The following SGMS1 variants were observed in gnomAD, a reference collection of about 807,000 sequenced individuals.
The protein encoded by SGMS1 is sphingomyelin synthase 1, also known as phosphatidylcholine:ceramide cholinephosphotransferase 1.
A neutral mutation model predicts 46.2 loss-of-function variants in SGMS1; 13 were observed. The observed-to-expected ratio is 0.28, with a 90% CI of 0.18 to 0.45. The LOEUF (loss-of-function observed/expected upper bound fraction) is 0.45, where lower values mean the gene tolerates loss of function less well. Among genes scored for constraint, SGMS1 ranks in the 20% least tolerant of loss-of-function variants. The pLI is 1.00. For synonymous variants in SGMS1, 203 were observed against 187.8 expected (o/e 1.08, Z -0.66); for missense variants, 324 against 519.9 (o/e 0.62, Z 3.66).
chr10:50,429,868 A>G (rs1849383928), intron 6 of SGMS1, among the ~76,000 whole-genome samples: 1 of 152,288 alleles, frequency 6.6e-6, no homozygotes, highest in South Asian at 2.1e-4. Context: ...CCAAATAAGA[A>G]AAATTAAGAA....
chr10:50,543,450 C>A (rs1412705360), intron 2 of SGMS1, among the ~76,000 whole-genome samples: 2 of 152,206 alleles, frequency 1.3e-5, no homozygotes, highest in East Asian at 1.9e-4. Flanking sequence ...ATCATTAGAA[C>A]AAGAGCGTAG....
intron 2 of SGMS1, among the ~76,000 whole-genome samples, chr10:50,535,176 G>C (rs2133809623): frequency 6.6e-6 from 1 of 151,962 alleles, no homozygotes; most frequent in Admixed American, 6.5e-5. Context: ...AGGTTGCAGT[G>C]AGCCAAGATC....
At chr10:50,573,880 G>C (rs757177089) in intron 2 of SGMS1, among the ~76,000 whole-genome samples, 6 of 152,086 alleles carry the variant, frequency 3.9e-5, no homozygotes, top group Non-Finnish European at 5.9e-5. Flanking sequence ...TGTACATATA[G>C]CCAATTGATC....
At chr10:50,511,671 T>C (rs745890559) in intron 3 of SGMS1, among the ~76,000 whole-genome samples, 1 of 152,182 alleles carries the variant, frequency 6.6e-6, no homozygotes, top group Non-Finnish European at 1.5e-5. Context: ...CAAACGCTAC[T>C]ACTAGAGATC....
chr10:50,377,401 G>A (rs1482617851), intron 6 of SGMS1, among the ~76,000 whole-genome samples: 1 of 152,178 alleles, frequency 6.6e-6, no homozygotes, highest in Non-Finnish European at 1.5e-5. Flanking sequence ...TCACTTCTTA[G>A]AGGGCCCATC....
At chr10:50,325,546 C>T (rs1435938232) in intron 8 of SGMS1, among the ~76,000 whole-genome samples, 1 of 152,128 alleles carries the variant, frequency 6.6e-6, no homozygotes, top group Non-Finnish European at 1.5e-5. Context: ...CGAAGAAAAC[C>T]CACAAGCTAT....
chr10:50,356,044 C>A (rs1848141913), intron 6 of SGMS1, among the ~76,000 whole-genome samples: 1 of 152,164 alleles, frequency 6.6e-6, no homozygotes, highest in African/African-American at 2.4e-5. Flanking sequence ...CCGGCAGCCA[C>A]CCCGTCTGGG....
At position 50,533,569 on chromosome 10, in the gene SGMS1, A is replaced by C. The variant is rs184028370; in HGVS notation, c.-588-13648T>G. 1.1e-3 allele frequency among the ~76,000 whole-genome samples: 164 copies of C among 152,274 alleles called. 1 individual carries two copies. Among genetic ancestry groups the C allele is most frequent in the African/African-American group, 3.9e-3 (162 of 41,562 alleles). ...GGAAGTTTCAGACCTTCTTTCTCTA[A>C]CATTATTTGAATCATCAATTGTTTA... On this transcript the variant is annotated intron_variant, in intron 2 of 10. Transcript: ENST00000361781.
chr10:50,517,941 C>T (rs1837820141), intron 3 of SGMS1, among the ~76,000 whole-genome samples: 1 of 151,800 alleles, frequency 6.6e-6, no homozygotes, highest in Non-Finnish European at 1.5e-5. Flanking sequence ...ATTTCAGAAA[C>T]CAAAATTGAG....
chr10:50,333,613 T>C (rs952577402), intron 7 of SGMS1, among the ~76,000 whole-genome samples: 58 of 152,140 alleles, frequency 3.8e-4, no homozygotes, highest in African/African-American at 1.3e-3. Context: ...ACAGACTCCA[T>C]TTAGGAAAAT....
At chr10:50,619,741 C>G (rs1406271985) in intron 1 of SGMS1, among the ~76,000 whole-genome samples, 1 of 152,222 alleles carries the variant, frequency 6.6e-6, no homozygotes, top group Non-Finnish European at 1.5e-5. Flanking sequence ...GCCCTTGTGG[C>G]TTTACATCAT....
chr10:50,575,088 G>C (rs1838371916), intron 2 of SGMS1, among the ~76,000 whole-genome samples: 1 of 150,866 alleles, frequency 6.6e-6, no homozygotes, highest in African/African-American at 2.4e-5. Flanking sequence ...AGTCACAGAA[G>C]GACAAATACT....
At chr10:50,518,629 G>A (rs370292646) in intron 3 of SGMS1, among the ~76,000 whole-genome samples, 1 of 152,148 alleles carries the variant, frequency 6.6e-6, no homozygotes, top group African/African-American at 2.4e-5. Context: ...ATGTTGGCCA[G>A]GCTGGTCTAG....
At chr10:50,481,259 C>T (rs1306509031) in intron 3 of SGMS1, among the ~76,000 whole-genome samples, 1 of 152,222 alleles carries the variant, frequency 6.6e-6, no homozygotes, top group Non-Finnish European at 1.5e-5. Flanking sequence ...GGGGTCATCA[C>T]ACACCTTATA....
At chr10:50,379,941 T>C (rs772149082) in intron 6 of SGMS1, among the ~76,000 whole-genome samples, 1 of 151,944 alleles carries the variant, frequency 6.6e-6, no homozygotes, top group Non-Finnish European at 1.5e-5. Context: ...GAAGCTTGAG[T>C]AAGTGACAAA....
intron 2 of SGMS1, among the ~76,000 whole-genome samples, chr10:50,546,295 A>G (rs1448145769): frequency 1.3e-5 from 2 of 152,174 alleles, no homozygotes; most frequent in Non-Finnish European, 2.9e-5. Context: ...GAGTTTTTGA[A>G]AGAGGATTGT....
intron 8 of SGMS1, among the ~76,000 whole-genome samples, chr10:50,326,180 TA>T (rs1847530193): frequency 1.3e-5 from 2 of 151,718 alleles, no homozygotes; most frequent in Non-Finnish European, 2.9e-5. Context: ...ATTAAAAAAT[TA>T]AAAAAAGCAA....
At chr10:50,456,324 G>T (rs1227626883) in intron 5 of SGMS1, among the ~76,000 whole-genome samples, 1 of 150,710 alleles carries the variant, frequency 6.6e-6, no homozygotes, top group Non-Finnish European at 1.5e-5. Flanking sequence ...AGGAGGCTTT[G>T]TCCTCCCTCA....
chr10:50,495,357 T>A (rs1411283949), intron 3 of SGMS1, among the ~76,000 whole-genome samples: 1 of 151,536 alleles, frequency 6.6e-6, no homozygotes, highest in African/African-American at 2.4e-5. Flanking sequence ...TTGGCTAAAA[T>A]GCCTTAATTT....
Sources: allele counts gnomAD v4.1 joint callset (sites outside exome capture counted in the v4.1 genomes callset), GRCh38; gene constraint gnomAD v4.1.1; transcripts MANE v1.5; gene names NCBI Gene and HGNC (gene_info 2026-07-23, HGNC 2026-07-21).